The following AOAH variants were observed in gnomAD, a reference collection of about 807,000 sequenced individuals.
AOAH encodes the protein acyloxyacyl hydrolase (neutrophil).
A neutral mutation model predicts 92.2 loss-of-function variants in AOAH; 64 were observed. The observed-to-expected ratio is 0.69, with a 90% confidence interval of 0.57 to 0.86. The LOEUF is 0.86. Ranked by LOEUF, AOAH falls within the 40% of genes least tolerant of loss-of-function variation. AOAH has a pLI of 0.00. For missense variants in AOAH, 656 were observed against 694.6 expected, an observed-to-expected ratio of 0.94 and a Z score of 0.62; for synonymous variants, 263 against 254.5, an observed-to-expected ratio of 1.03 and a Z score of -0.32.
At chr7:36,556,596 C>T (rs2116413225) in intron 13 of AOAH, among the ~76,000 whole-genome samples, 1 of 148,274 alleles carries the variant, frequency 6.7e-6, no homozygotes, top group South Asian at 2.2e-4. Flanking sequence ...TTAAAGTCTC[C>T]CATTATTATT....
chr7:36,550,512 G>A (rs890947796), intron 13 of AOAH, among the ~76,000 whole-genome samples: 1 of 152,160 alleles, frequency 6.6e-6, no homozygotes, highest in Non-Finnish European at 1.5e-5. Flanking sequence ...CACCTAAGTG[G>A]CTTGCCCAAA....
chr7:36,617,098 C>A (rs993432559), intron 10 of AOAH, among the ~76,000 whole-genome samples: 1 of 152,210 alleles, frequency 6.6e-6, no homozygotes, highest in Non-Finnish European at 1.5e-5. Context: ...TCCTGAAAGA[C>A]TGAATTGATG....
At chr7:36,706,749 T>C (rs149434004) in intron 1 of AOAH, among the ~76,000 whole-genome samples, 1 of 152,184 alleles carries the variant, frequency 6.6e-6, no homozygotes, top group Non-Finnish European at 1.5e-5. Flanking sequence ...TCAGCATGTG[T>C]TCCTTCACCT....
chr7:36,697,819 A>G (rs1391241562), intron 1 of AOAH, among the ~76,000 whole-genome samples: 1 of 152,228 alleles, frequency 6.6e-6, no homozygotes, highest in Non-Finnish European at 1.5e-5. Flanking sequence ...TCTTCTAAGA[A>G]GAGAGAACCA....
chr7:36,565,206 C>G (rs1787600024), intron 13 of AOAH, among the ~76,000 whole-genome samples: 4 of 152,122 alleles, frequency 2.6e-5, no homozygotes, highest in African/African-American at 9.7e-5. Context: ...TCTCTGTCAC[C>G]TCTGTCATCT....
At chr7:36,642,398 C>T (rs1793973568) in intron 4 of AOAH, among the ~76,000 whole-genome samples, 1 of 152,100 alleles carries the variant, frequency 6.6e-6, no homozygotes, top group South Asian at 2.1e-4. Flanking sequence ...AAATTCCCAG[C>T]AAACCACCAG....
intron 13 of AOAH, among the ~76,000 whole-genome samples, chr7:36,564,549 A>G (rs904817405): frequency 2.0e-5 from 3 of 152,244 alleles, no homozygotes; most frequent in African/African-American, 7.2e-5. Context: ...GAACTGATAG[A>G]AATGACAGCT....
intron 1 of AOAH, among the ~76,000 whole-genome samples, chr7:36,692,810 T>C (rs1302813781): frequency 6.6e-6 from 1 of 152,052 alleles, no homozygotes; most frequent in Non-Finnish European, 1.5e-5. Flanking sequence ...CAAACTGATA[T>C]CTAAATAAAC....
At chr7:36,684,724 G>A (rs1796858435) in intron 2 of AOAH, among the ~76,000 whole-genome samples, 1 of 151,582 alleles carries the variant, frequency 6.6e-6, no homozygotes, top group Non-Finnish European at 1.5e-5. Context: ...TTAGAGACCA[G>A]CCTTGGCAAC....
rs1022709758 is a variant in AOAH at position 36,532,482 on chromosome 7, C to G, written c.1307-138G>C. 4.7e-5 allele frequency: 37 copies of G among 790,916 alleles called. No homozygotes were observed. The African/African-American group carries it at 5.8e-4, about 12-fold the overall frequency. The allele number at this position is 790,916 out of a possible 1,614,324, so 49.0% of individuals were successfully genotyped here. A position where few individuals can be genotyped will look rare whatever the true frequency, so the allele number is the denominator to read the frequency against. On this transcript the variant is annotated intron_variant, in intron 16 of 20. Transcript: ENST00000617537. ...CCCTGATTTTTCATGCAGCATTGCT[C>G]TTGAAGAATGCCTGTGCTTTCCTCC...
chr7:36,668,970 G>A (rs1308887155), intron 3 of AOAH, among the ~76,000 whole-genome samples: 2 of 152,222 alleles, frequency 1.3e-5, no homozygotes, highest in Non-Finnish European at 2.9e-5. Context: ...CAGCATGCAG[G>A]AAGGGCAGGG....
chr7:36,676,076 G>T (rs1045447402), intron 2 of AOAH, among the ~76,000 whole-genome samples: 1 of 152,156 alleles, frequency 6.6e-6, no homozygotes, highest in Non-Finnish European at 1.5e-5. Flanking sequence ...AAGAATATCT[G>T]CAGTCACTAC....
In AOAH at chr7:36,673,953, T is replaced by C; in HGVS notation, c.280A>G (p.Ile94Val). 1 of 1,609,830 alleles carries C rather than the reference T, an allele frequency of 6.2e-7. No individual in the cohort carries two copies. Among genetic ancestry groups the C allele is most frequent in the Non-Finnish European group, 8.5e-7 (1 of 1,176,510 alleles). ...TCATGGCATACTCACAGTTTTATGA[T>C]GTCTGATCCAAACTTGTCAATGACT... ...YLVIDKFGSD[I>V]IKLLSADMNA... The change falls in exon 3 of 21, where the codon ATC becomes GTC. Residue 94 changes from isoleucine to valine, a missense_variant. Ile to Val is a conservative substitution (Grantham distance 29). Transcript: ENST00000617537.
intron 1 of AOAH, among the ~76,000 whole-genome samples, chr7:36,687,609 T>C (rs1399869699): frequency 2.0e-5 from 3 of 151,582 alleles, no homozygotes; most frequent in Non-Finnish European, 4.4e-5. Context: ...GATCAGTAAG[T>C]ATGTGAGAAG....
At chr7:36,625,718 A>G (rs1460196353) in intron 6 of AOAH, among the ~76,000 whole-genome samples, 1 of 152,172 alleles carries the variant, frequency 6.6e-6, no homozygotes, top group African/African-American at 2.4e-5. Context: ...CTGTAGCCAA[A>G]TTCCACCCCC....
intron 4 of AOAH, among the ~76,000 whole-genome samples, chr7:36,649,866 G>A (rs1238180979): frequency 6.6e-6 from 1 of 152,174 alleles, no homozygotes; most frequent in East Asian, 1.9e-4. Context: ...GCCCATTGCC[G>A]CTCTCCATTG....
chr7:36,673,242 A>T (rs1796034573), intron 3 of AOAH, among the ~76,000 whole-genome samples: 2 of 152,354 alleles, frequency 1.3e-5, no homozygotes, highest in Non-Finnish European at 2.9e-5. Flanking sequence ...CCTGAGCTCA[A>T]AAAAAGAAAA....
chr7:36,567,380 G>A (rs1787791708), intron 13 of AOAH, among the ~76,000 whole-genome samples: 1 of 152,174 alleles, frequency 6.6e-6, no homozygotes, highest in Non-Finnish European at 1.5e-5. Flanking sequence ...CCCCTGACAA[G>A]CTAAAGGACC....
chr7:36,644,538 G>A (rs1003395062), intron 4 of AOAH, among the ~76,000 whole-genome samples: 7 of 152,288 alleles, frequency 4.6e-5, no homozygotes, highest in South Asian at 2.1e-4. Context: ...TACGAAGACC[G>A]TAGCGAACAG....
Sources: allele counts gnomAD v4.1 joint callset (sites outside exome capture counted in the v4.1 genomes callset), GRCh38; gene constraint gnomAD v4.1.1; transcripts MANE v1.5; gene names NCBI Gene and HGNC (gene_info 2026-07-23, HGNC 2026-07-21).